Variants in RASAL2 observed in about 807,000 individuals in gnomAD.
RASAL2 encodes ras GTPase-activating protein nGAP.
Under a neutral mutation model 128.9 loss-of-function variants are expected in RASAL2, and 58 were observed. That is an observed-to-expected ratio of 0.45 (90% confidence interval 0.36 to 0.56). The LOEUF (loss-of-function observed/expected upper bound fraction) is 0.56, where lower values mean the gene tolerates loss of function less well. Ranked by LOEUF, RASAL2 falls within the 20% of genes least tolerant of loss-of-function variation. RASAL2 has a pLI of 0.00. For missense variants in RASAL2, 1,360 were observed against 1,601.6 expected (o/e 0.85, Z 2.57); for synonymous variants, 561 against 580.8 (o/e 0.97, Z 0.49).
Position 178,454,517 on chromosome 1 carries a change from C to T in RASAL2, c.2080C>T (p.Arg694Cys), listed in dbSNP as rs140709606. 1.9e-5 allele frequency: 31 copies of T among 1,613,508 alleles called. No homozygotes were observed. The East Asian group carries it at 2.7e-4, about 14-fold the overall frequency. ...FLEHEWGGMK[R>C]FLLEISNPDT... is the part of the protein sequence containing the mutation. ...AGAACATGAATGGGGTGGAATGAAG[C>T]GCTTTCTTTTGGAGATCTCTAATCC... The change falls in exon 12 of 18, where the codon CGC becomes TGC. Residue 694 changes from arginine to cysteine, a missense_variant. Physicochemically the swap from Arg to Cys is radical, Grantham distance 180. This residue lies in a region of RASAL2 where 741 missense variants were observed against 868.6 expected (regional missense o/e 0.85). Coordinates refer to ENST00000367649, the MANE Select transcript of RASAL2 (RefSeq NM_170692.4).
rs1482760805 is a variant in RASAL2 at position 178,464,427 on chromosome 1, G to A, written c.3387+15G>A. On this transcript the variant is annotated intron_variant, in intron 15 of 17. Transcript: ENST00000367649. The stretch of plus-strand genomic sequence containing the variant: ...ATGCTGAGAAGGTAGAACCTAGTCT[G>A]CTTCATCAACTTTCTGATCCCAAAA... 7 of 1,609,496 alleles carry A rather than the reference G, an allele frequency of 4.3e-6. No homozygotes were observed. The highest frequency in any genetic ancestry group is 5.9e-6 in the Non-Finnish European group (7 of 1,178,114).
At chr1:178,405,775 T>C (rs1019002215) in intron 4 of RASAL2, among the ~76,000 whole-genome samples, 2 of 152,242 alleles carry the variant, frequency 1.3e-5, no homozygotes, top group African/African-American at 4.8e-5. Context: ...TAATTTGTTA[T>C]AATGGCAGTT....
chr1:178,273,152 C>G (rs1356294368), intron 1 of RASAL2, among the ~76,000 whole-genome samples: 1 of 152,088 alleles, frequency 6.6e-6, no homozygotes, highest in Non-Finnish European at 1.5e-5. Context: ...GGGTTTTATG[C>G]AATCTTAATA....
At chr1:178,416,295 A>C (rs1372002524) in intron 4 of RASAL2, among the ~76,000 whole-genome samples, 4 of 152,068 alleles carry the variant, frequency 2.6e-5, no homozygotes, top group Non-Finnish European at 5.9e-5. Context: ...ATGTAAGTCC[A>C]CTTTCACATA....
intron 1 of RASAL2, among the ~76,000 whole-genome samples, chr1:178,191,936 C>A (rs1192208612): frequency 6.6e-6 from 1 of 152,132 alleles, no homozygotes; most frequent in East Asian, 1.9e-4. Context: ...AAGACAGTTT[C>A]TCAGTCTCAA....
intron 1 of RASAL2, among the ~76,000 whole-genome samples, chr1:178,141,193 CTTTTTTTT>C (rs71297900): frequency 1.4e-5 from 1 of 73,936 alleles, no homozygotes; most frequent in Non-Finnish European, 2.4e-5. Context: ...CTTTTCTTTT[CTTTTTTTT>C]TTTTTTTTTT....
At chr1:178,350,748 T>G (rs1201958162) in intron 3 of RASAL2, among the ~76,000 whole-genome samples, 1 of 152,188 alleles carries the variant, frequency 6.6e-6, no homozygotes, top group African/African-American at 2.4e-5. Flanking sequence ...ACTCCTAGCT[T>G]CTAGAGGCCA....
At chr1:178,401,404 T>C (rs1233633491) in intron 4 of RASAL2, among the ~76,000 whole-genome samples, 1 of 152,186 alleles carries the variant, frequency 6.6e-6, no homozygotes, top group Non-Finnish European at 1.5e-5. Context: ...GAGAAACTCA[T>C]GGGGAGTATC....
At chr1:178,209,729 C>T (rs1663187393) in intron 1 of RASAL2, among the ~76,000 whole-genome samples, 1 of 151,794 alleles carries the variant, frequency 6.6e-6, no homozygotes, top group Non-Finnish European at 1.5e-5. Flanking sequence ...TCCATTCTCT[C>T]TTTCTTGGAC....
chr1:178,162,420 A>G (rs1661350418), intron 1 of RASAL2, among the ~76,000 whole-genome samples: 1 of 119,144 alleles, frequency 8.4e-6, no homozygotes, highest in Non-Finnish European at 1.6e-5. Context: ...ATTATATATA[A>G]TATTATATAT....
intron 3 of RASAL2, among the ~76,000 whole-genome samples, chr1:178,362,379 A>C (rs940626482): frequency 6.6e-5 from 10 of 152,130 alleles, no homozygotes; most frequent in African/African-American, 2.2e-4. Flanking sequence ...TTTGATATAC[A>C]TAGTGAAATG....
chr1:178,223,014 T>G (rs1663663668), intron 1 of RASAL2, among the ~76,000 whole-genome samples: 1 of 152,186 alleles, frequency 6.6e-6, no homozygotes, highest in Non-Finnish European at 1.5e-5. Flanking sequence ...GATCTGTATT[T>G]TGATGTAATC....
chr1:178,136,085 C>T (rs905848177), intron 1 of RASAL2, among the ~76,000 whole-genome samples: 1 of 152,006 alleles, frequency 6.6e-6, no homozygotes, highest in Non-Finnish European at 1.5e-5. Context: ...AGCATGATCC[C>T]AGTTAGCTAG....
At chr1:178,154,864 C>T (rs1439755962) in intron 1 of RASAL2, among the ~76,000 whole-genome samples, 1 of 152,016 alleles carries the variant, frequency 6.6e-6, no homozygotes, top group Non-Finnish European at 1.5e-5. Context: ...ACTCTTGTTG[C>T]CCAGGCTGGA....
chr1:178,276,380 T>G (rs1666512025), intron 1 of RASAL2, among the ~76,000 whole-genome samples: 1 of 152,192 alleles, frequency 6.6e-6, no homozygotes, highest in African/African-American at 2.4e-5. Flanking sequence ...TTTTGTACTT[T>G]AAGAATGAAA....
At chr1:178,096,108 C>T (rs116538685) in intron 1 of RASAL2, among the ~76,000 whole-genome samples, 1 of 152,144 alleles carries the variant, frequency 6.6e-6, no homozygotes. Flanking sequence ...CCTGATTTTC[C>T]GTCTGCCTGC....
rs771688291 is a variant in RASAL2 at position 178,454,636 on chromosome 1, C to A, written c.2199C>A (p.Ser733=). Reference sequence around the variant, plus strand: ...ATTCCTTACTGTGGGAAGTAGTTTCCCAACTTGATAAGGTAAAGTAGGTTG... The same window carrying A: ...ATTCCTTACTGTGGGAAGTAGTTTCACAACTTGATAAGGTAAAGTAGGTTG... ...VLHSLLWEVV[S]QLDKATVAKL... The change falls in exon 12 of 18, where the codon TCC becomes TCA. Residue 733 remains serine, a synonymous_variant. Coordinates refer to ENST00000367649, the MANE Select transcript of RASAL2 (RefSeq NM_170692.4). The A allele has an allele frequency of 6.8e-6, 11 of 1,613,454 alleles. No homozygotes were observed. The South Asian group carries it at 1.1e-4, about 16-fold the overall frequency.
At chr1:178,460,656 A>G (rs1384323192) in intron 14 of RASAL2, among the ~76,000 whole-genome samples, 1 of 152,182 alleles carries the variant, frequency 6.6e-6, no homozygotes, top group Non-Finnish European at 1.5e-5. Flanking sequence ...GTCCAGGTAC[A>G]GCTTTGAATA....
At chr1:178,431,533 A>C (rs1280460384) in intron 5 of RASAL2, among the ~76,000 whole-genome samples, 1 of 152,132 alleles carries the variant, frequency 6.6e-6, no homozygotes, top group East Asian at 1.9e-4. Context: ...GCCATATCAA[A>C]AATTTAAATG....
Sources: allele counts gnomAD v4.1 joint callset (sites outside exome capture counted in the v4.1 genomes callset), GRCh38; gene constraint gnomAD v4.1.1; regional missense constraint gnomAD v4.1.1; transcripts MANE v1.5; gene names NCBI Gene and HGNC (gene_info 2026-07-23, HGNC 2026-07-21).